PTPRD: variants seen among roughly 807,000 people sequenced by gnomAD.
PTPRD encodes the protein receptor-type tyrosine-protein phosphatase delta.
Under a neutral mutation model 214.5 loss-of-function variants are expected in PTPRD, and 34 were observed. The ratio of observed to expected loss-of-function variants is 0.16; its 90% confidence interval spans 0.12 to 0.21. PTPRD has a LOEUF of 0.21. PTPRD is among the 10% of genes least tolerant of loss of function. PTPRD has a pLI of 1.00. For missense variants in PTPRD, 2,545 were observed against 2,398.7 expected, an observed-to-expected ratio of 1.06 and a Z score of -1.27; for synonymous variants, 1,128 against 845.7, an observed-to-expected ratio of 1.33 and a Z score of -5.79.
chr9:10,511,126 G>A (rs946707439), intron 2 of PTPRD, among the ~76,000 whole-genome samples: 2 of 152,142 alleles, frequency 1.3e-5, no homozygotes, highest in Admixed American at 6.5e-5. Flanking sequence ...TAATTCCAGT[G>A]TATGGAATGG....
rs185814667 is a variant in PTPRD, at chr9:9,451,531, C to T, written c.-236-54049G>A. Among the ~76,000 whole-genome samples, 267 of 151,538 alleles carry T rather than the reference C, an allele frequency of 1.8e-3. 2 individuals are homozygous for T. Among genetic ancestry groups the T allele is most frequent in the African/African-American group, 6.2e-3 (257 of 41,426 alleles). On this transcript the variant is annotated intron_variant, in intron 8 of 45. Coordinates refer to ENST00000381196, the MANE Select transcript of PTPRD (RefSeq NM_002839.4). Reference sequence around the variant, plus strand: ...CTTCAATATAGCCTCAAATGGTTTACCCAGTAAAATGTTTCCTAGAAACAT... The same window carrying T: ...CTTCAATATAGCCTCAAATGGTTTATCCAGTAAAATGTTTCCTAGAAACAT...
chr9:9,660,205 A>G (rs2096596028), intron 7 of PTPRD, among the ~76,000 whole-genome samples: 1 of 152,018 alleles, frequency 6.6e-6, no homozygotes, highest in Non-Finnish European at 1.5e-5. Context: ...ACACCTGGGC[A>G]TATAAGATTT....
chr9:9,927,402 G>A (rs2084715775), intron 5 of PTPRD, among the ~76,000 whole-genome samples: 1 of 152,022 alleles, frequency 6.6e-6, no homozygotes, highest in African/African-American at 2.4e-5. Context: ...CACCATTTCT[G>A]TATGTACTAT....
At chr9:8,832,733 T>G (rs796599804) in intron 11 of PTPRD, among the ~76,000 whole-genome samples, 7 of 152,230 alleles carry the variant, frequency 4.6e-5, no homozygotes, top group Admixed American at 2.0e-4. Context: ...AAACTAATCA[T>G]TTCTGAAGGA....
At chr9:10,193,400 G>T (rs2099382908) in intron 3 of PTPRD, among the ~76,000 whole-genome samples, 1 of 152,022 alleles carries the variant, frequency 6.6e-6, no homozygotes, top group Non-Finnish European at 1.5e-5. Flanking sequence ...GATAGAGTAG[G>T]ATCTAGTAAA....
chr9:10,447,605 C>T (rs2098808801), intron 2 of PTPRD, among the ~76,000 whole-genome samples: 1 of 151,914 alleles, frequency 6.6e-6, no homozygotes, highest in Non-Finnish European at 1.5e-5. Context: ...ACTAATCATA[C>T]TATATACAAA....
intron 2 of PTPRD, among the ~76,000 whole-genome samples, chr9:10,453,914 C>T (rs913703281): frequency 6.6e-6 from 1 of 151,562 alleles, no homozygotes; most frequent in African/African-American, 2.4e-5. Context: ...CACCATTGAG[C>T]GTGAGTCAGC....
chr9:9,364,616 A>G (rs768276826), intron 9 of PTPRD, among the ~76,000 whole-genome samples: 1 of 151,422 alleles, frequency 6.6e-6, no homozygotes, highest in Non-Finnish European at 1.5e-5. Context: ...TGAGGATTAT[A>G]GCTGGAGCAG....
chr9:8,810,130 T>G (rs2096771675), intron 11 of PTPRD, among the ~76,000 whole-genome samples: 1 of 152,192 alleles, frequency 6.6e-6, no homozygotes, highest in South Asian at 2.1e-4. Flanking sequence ...ATCCAATTAA[T>G]CAAGGTAGAT....
At chr9:9,224,238 C>T (rs2099958008) in intron 9 of PTPRD, among the ~76,000 whole-genome samples, 2 of 151,912 alleles carry the variant, frequency 1.3e-5, no homozygotes, top group South Asian at 4.1e-4. Context: ...CACATGACTC[C>T]TGCTTTAGTG....
Position 8,517,957 on chromosome 9 carries a change from A to C in PTPRD, c.1434T>G (p.Thr478=). Residue 478 remains threonine, a synonymous_variant, in exon 21 of 46, where the codon ACT becomes ACG. Coordinates refer to ENST00000381196, the MANE Select transcript of PTPRD (RefSeq NM_002839.4). ...TTTTCTGGGGCACTAAGTTGCCAAT[A>C]GTAGTGATTTGGCTGTCAGCTACAT... ...KHNVADSQIT[T]IGNLVPQKTY... The C allele has an allele frequency of 6.2e-7, 1 of 1,614,204 alleles. No homozygotes were observed. The highest frequency in any genetic ancestry group is 8.5e-7 in the Non-Finnish European group (1 of 1,180,012).
chr9:9,899,051 A>G (rs1168291948), intron 5 of PTPRD, among the ~76,000 whole-genome samples: 1 of 152,150 alleles, frequency 6.6e-6, no homozygotes, highest in Non-Finnish European at 1.5e-5. Context: ...AAGTCACAGG[A>G]CACAAGGTCA....
At chr9:9,889,796 T>TGC (rs1280016001) in intron 5 of PTPRD, among the ~76,000 whole-genome samples, 1 of 150,844 alleles carries the variant, frequency 6.6e-6, no homozygotes, top group African/African-American at 2.5e-5. Flanking sequence ...TGAGTGTGTG[T>TGC]GTGTGTGTGT....
chr9:9,320,896 G>A (rs1318905684), intron 9 of PTPRD, among the ~76,000 whole-genome samples: 1 of 152,110 alleles, frequency 6.6e-6, no homozygotes, highest in African/African-American at 2.4e-5. Context: ...CCAGAAATGT[G>A]CCAGATAAGA....
chr9:8,615,076 G>A (rs1442040373), intron 14 of PTPRD, among the ~76,000 whole-genome samples: 2 of 152,204 alleles, frequency 1.3e-5, no homozygotes, highest in East Asian at 3.9e-4. Context: ...CTTTGATAAT[G>A]TTCTGGGGGC....
At chr9:9,819,480 T>C (rs2049963419) in intron 5 of PTPRD, among the ~76,000 whole-genome samples, 1 of 152,200 alleles carries the variant, frequency 6.6e-6, no homozygotes, top group South Asian at 2.1e-4. Context: ...ATACATAACT[T>C]ACTTCTGTGA....
chr9:9,766,510 G>C (rs2098708170), intron 6 of PTPRD, among the ~76,000 whole-genome samples: 1 of 152,086 alleles, frequency 6.6e-6, no homozygotes, highest in African/African-American at 2.4e-5. Context: ...TTAAAGACAT[G>C]TTAAACATCT....
chr9:9,901,432 CCT>C (rs33946655), intron 5 of PTPRD, among the ~76,000 whole-genome samples: 43,913 of 151,730 alleles, frequency 0.29, 7,915 homozygotes, highest in East Asian at 0.51. Flanking sequence ...CAAAGATAAT[CCT>C]CTTTCATTAT....
intron 36 of PTPRD, among the ~76,000 whole-genome samples, chr9:8,402,312 T>A (rs373211147): frequency 6.6e-6 from 1 of 152,156 alleles, no homozygotes; most frequent in Non-Finnish European, 1.5e-5. Context: ...AAAACCAGCA[T>A]AGGAACGAAA....
Sources: gnomAD v4.1 joint callset for allele counts (sites outside exome capture counted in the v4.1 genomes callset) on GRCh38, gnomAD v4.1.1 for gene constraint, MANE v1.5 for transcripts, NCBI Gene and HGNC (gene_info 2026-07-23, HGNC 2026-07-21) for gene names.